CNTNAP2: variants seen among roughly 807,000 people sequenced by gnomAD.
CNTNAP2 encodes the protein contactin-associated protein-like 2.
In CNTNAP2, 98 loss-of-function variants were observed where a neutral mutation model predicts 155.2. The ratio of observed to expected loss-of-function variants is 0.63; its 90% CI spans 0.54 to 0.75. The LOEUF is 0.75. CNTNAP2 is among the 30% of genes least tolerant of loss of function. The pLI is 0.00. For synonymous variants in CNTNAP2, 651 were observed against 631.2 expected, an observed-to-expected ratio of 1.03 and a Z score of -0.47; for missense variants, 1,727 against 1,688.1, an observed-to-expected ratio of 1.02 and a Z score of -0.40.
intron 1 of CNTNAP2, among the ~76,000 whole-genome samples, chr7:146,362,465 T>A (rs566101574): frequency 8.6e-5 from 13 of 151,670 alleles, no homozygotes; most frequent in South Asian, 2.1e-4. Context: ...TCCCGAAGAG[T>A]GTGAAGGAGC....
chr7:147,348,779 C>T (rs748030229), intron 9 of CNTNAP2, among the ~76,000 whole-genome samples: 31 of 151,928 alleles, frequency 2.0e-4, no homozygotes, highest in African/African-American at 6.0e-4. Context: ...CTAAAAAATG[C>T]GGTATATATA....
chr7:148,175,413 A>G (rs1013738), intron 18 of CNTNAP2, among the ~76,000 whole-genome samples: 101,772 of 152,058 alleles, frequency 0.67, 35,562 homozygotes, highest in African/African-American at 0.87. Context: ...TTATTGGACC[A>G]TCTAGTTGTA....
chr7:147,743,685 T>C (rs560112414), intron 13 of CNTNAP2, among the ~76,000 whole-genome samples: 1 of 74,436 alleles, frequency 1.3e-5, no homozygotes, highest in East Asian at 4.8e-4. Flanking sequence ...TGACCTCTCA[T>C]ATTTTTTGTG....
chr7:147,688,417 C>G (rs140310761), intron 13 of CNTNAP2, among the ~76,000 whole-genome samples: 270 of 152,272 alleles, frequency 1.8e-3, no homozygotes, highest in African/African-American at 5.7e-3. Flanking sequence ...CTTCACATTT[C>G]CACCCCTACT....
rs139884238 is a variant in CNTNAP2, at chr7:148,141,040, A to T, written c.2555-6451A>T. 1.8e-3 allele frequency among the ~76,000 whole-genome samples: 274 copies of T among 152,302 alleles called. 1 individual carries two copies. The highest frequency in any genetic ancestry group is 6.5e-3 in the African/African-American group (269 of 41,564). On this transcript the variant is annotated intron_variant, in intron 16 of 23. Coordinates refer to ENST00000361727, the MANE Select transcript of CNTNAP2 (RefSeq NM_014141.6). ...AGATTCCAGGACCACTTGCGTCAGA[A>T]TCACCTGGCATTAACAAAATGCAGA...
At chr7:146,851,391 G>A (rs955623279) in intron 3 of CNTNAP2, among the ~76,000 whole-genome samples, 1 of 152,106 alleles carries the variant, frequency 6.6e-6, no homozygotes, top group Non-Finnish European at 1.5e-5. Flanking sequence ...TGGTGTTGCT[G>A]TTTTCAATTT....
intron 1 of CNTNAP2, among the ~76,000 whole-genome samples, chr7:146,337,464 T>G (rs2129095946): frequency 6.6e-6 from 1 of 152,292 alleles, no homozygotes; most frequent in Admixed American, 6.5e-5. Flanking sequence ...ACTGTTTTAT[T>G]TTTTACTTTT....
intron 3 of CNTNAP2, among the ~76,000 whole-genome samples, chr7:146,943,615 T>C (rs1797099593): frequency 6.6e-6 from 1 of 152,224 alleles, no homozygotes; most frequent in Non-Finnish European, 1.5e-5. Flanking sequence ...TCTGAAGTAG[T>C]AGCAACCGCA....
chr7:147,486,122 C>T (rs1174038532), intron 11 of CNTNAP2, 81 bp downstream of exon 11: 6 of 1,114,478 alleles, frequency 5.4e-6, no homozygotes, highest in Non-Finnish European at 8.2e-6. Flanking sequence ...AGCTCAGCAA[C>T]CTGAATAATC....
Position 146,724,777 on chromosome 7 carries a change from G to T in CNTNAP2, c.98-49494G>T, listed in dbSNP as rs556366313. Among the ~76,000 whole-genome samples the T allele has an allele frequency of 4.6e-5, 7 of 151,906 alleles. No homozygotes were observed. In the South Asian group the frequency reaches 1.5e-3, roughly 32 times the overall value. The stretch of plus-strand genomic sequence containing the variant: ...GTAGCGACAGCGTTTCACTGTGTTA[G>T]CCAGAATGGTTTCAATCTCCTGACC... On this transcript the variant is annotated intron_variant, in intron 1 of 23. Transcript: ENST00000361727.
intron 13 of CNTNAP2, among the ~76,000 whole-genome samples, chr7:147,784,051 T>C (rs1293012720): frequency 6.6e-6 from 1 of 152,070 alleles, no homozygotes; most frequent in Non-Finnish European, 1.5e-5. Context: ...TTCCTTGATT[T>C]GTAGATGCAT....
intron 1 of CNTNAP2, among the ~76,000 whole-genome samples, chr7:146,674,104 C>A (rs1352009916): frequency 1.3e-5 from 2 of 152,148 alleles, no homozygotes; most frequent in Non-Finnish European, 2.9e-5. Flanking sequence ...GAAAGACTGA[C>A]TGAATGAATG....
At chr7:146,798,752 T>C (rs1585095643) in intron 2 of CNTNAP2, among the ~76,000 whole-genome samples, 1 of 152,148 alleles carries the variant, frequency 6.6e-6, no homozygotes, top group African/African-American at 2.4e-5. Context: ...ATGGGCAGAT[T>C]TTTTTTGGTG....
At chr7:147,141,353 T>G (rs1801591986) in intron 8 of CNTNAP2, among the ~76,000 whole-genome samples, 2 of 152,132 alleles carry the variant, frequency 1.3e-5, no homozygotes, top group Admixed American at 1.3e-4. Context: ...TATCTTCAAT[T>G]GCTGACCTAT....
chr7:147,136,794 G>T (rs1322844517), intron 8 of CNTNAP2, among the ~76,000 whole-genome samples: 3 of 151,782 alleles, frequency 2.0e-5, no homozygotes, highest in South Asian at 2.1e-4. Context: ...GAGAAAAAAG[G>T]TCTCATTTGA....
chr7:146,545,580 G>T (rs1240752280), intron 1 of CNTNAP2, among the ~76,000 whole-genome samples: 1 of 151,864 alleles, frequency 6.6e-6, no homozygotes, highest in Non-Finnish European at 1.5e-5. Flanking sequence ...TTATGAGTGA[G>T]AACACGCGGT....
chr7:146,653,425 C>T (rs1397549663), intron 1 of CNTNAP2, among the ~76,000 whole-genome samples: 14 of 152,112 alleles, frequency 9.2e-5, no homozygotes, highest in Admixed American at 7.9e-4. Flanking sequence ...TGGAGCTTCT[C>T]GGCTAGACTG....
chr7:146,437,807 C>A (rs1724486), intron 1 of CNTNAP2, among the ~76,000 whole-genome samples: 5,624 of 151,040 alleles, frequency 0.037, 592 homozygotes, highest in African/African-American at 0.13. Flanking sequence ...GAGTTATGGC[C>A]AAAAAATGTG....
intron 1 of CNTNAP2, among the ~76,000 whole-genome samples, chr7:146,536,386 G>A (rs1313586883): frequency 6.6e-6 from 1 of 152,020 alleles, no homozygotes; most frequent in Non-Finnish European, 1.5e-5. Context: ...TCCAAATGGG[G>A]ATTTATGTTT....
Sources: allele counts gnomAD v4.1 joint callset (sites outside exome capture counted in the v4.1 genomes callset), GRCh38; gene constraint gnomAD v4.1.1; transcripts MANE v1.5; gene names NCBI Gene and HGNC (gene_info 2026-07-23, HGNC 2026-07-21).